CADPS2: variants seen among roughly 807,000 people sequenced by gnomAD.
The protein encoded by CADPS2 is calcium dependent secretion activator 2.
CADPS2 carries 93 observed loss-of-function variants against 172.5 expected under a neutral mutation model. The ratio of observed to expected loss-of-function variants is 0.54; its 90% CI spans 0.46 to 0.64. CADPS2 has a LOEUF of 0.64. Among genes scored for constraint, CADPS2 ranks in the 30% least tolerant of loss-of-function variants. The pLI, the probability that CADPS2 is intolerant of heterozygous loss-of-function variation, is 0.00. For missense variants in CADPS2, 1,420 were observed against 1,565.9 expected (o/e 0.91, Z 1.57); for synonymous variants, 546 against 555.2 (o/e 0.98, Z 0.23).
chr7:122,698,578 T>C, intron 2 of CADPS2: 1 of 1,614,086 alleles, frequency 6.2e-7, no homozygotes, highest in Non-Finnish European at 8.5e-7. Context: ...TTTAATTTTC[T>C]GTGTGAAGGT....
At chr7:122,399,362 G>C (rs1400125867) in intron 20 of CADPS2, among the ~76,000 whole-genome samples, 1 of 152,112 alleles carries the variant, frequency 6.6e-6, no homozygotes, top group African/African-American at 2.4e-5. Context: ...AAGGAGCCTA[G>C]GATTTGTAAA....
chr7:122,720,504 G>GTATATATACATATGTATATACA (rs2090241531), intron 2 of CADPS2, among the ~76,000 whole-genome samples: 1 of 150,158 alleles, frequency 6.7e-6, no homozygotes, highest in Non-Finnish European at 1.5e-5. Context: ...ATGTATATAC[G>GTATATATACATATGTATATACA]TATAAGTATA....
chr7:122,745,670 C>T (rs1163241953), intron 1 of CADPS2, among the ~76,000 whole-genome samples: 1 of 143,950 alleles, frequency 6.9e-6, no homozygotes, highest in Non-Finnish European at 1.5e-5. Context: ...AGAATATCCT[C>T]TTTTTTTTTT....
intron 1 of CADPS2, among the ~76,000 whole-genome samples, chr7:122,837,353 A>G (rs958002270): frequency 3.9e-5 from 6 of 152,216 alleles, no homozygotes; most frequent in African/African-American, 1.4e-4. Flanking sequence ...AAACCCTAAC[A>G]TCACAATTAA....
chr7:122,885,044 C>A (rs1186918908), intron 1 of CADPS2, among the ~76,000 whole-genome samples: 1 of 152,206 alleles, frequency 6.6e-6, no homozygotes, highest in Non-Finnish European at 1.5e-5. Flanking sequence ...GGTCTTGTCA[C>A]AAACTGAGGG....
intron 3 of CADPS2, among the ~76,000 whole-genome samples, chr7:122,662,034 C>G (rs1483931889): frequency 6.6e-6 from 1 of 152,172 alleles, no homozygotes; most frequent in African/African-American, 2.4e-5. Flanking sequence ...TAAAGTGCCT[C>G]AGTGATTTAC....
intron 17 of CADPS2, among the ~76,000 whole-genome samples, chr7:122,425,426 A>C (rs992324810): frequency 1.6e-4 from 8 of 51,174 alleles, no homozygotes; most frequent in Admixed American, 2.4e-4. Flanking sequence ...TATCTCTACC[A>C]AAAAAAAAAA....
chr7:122,865,155 ACT>A (rs143824083), intron 1 of CADPS2, among the ~76,000 whole-genome samples: 2,426 of 151,890 alleles, frequency 0.016, 62 homozygotes, highest in African/African-American at 0.055. Context: ...CCTCTCTCAC[ACT>A]CTCTCGTTTC....
At chr7:122,804,527 TC>T (rs1798366716) in intron 1 of CADPS2, among the ~76,000 whole-genome samples, 1 of 152,226 alleles carries the variant, frequency 6.6e-6, no homozygotes, top group South Asian at 2.1e-4. Context: ...ATAGAAAATT[TC>T]TTAAATGACA....
At chr7:122,584,040 C>T (rs556184838) in intron 6 of CADPS2, among the ~76,000 whole-genome samples, 2 of 151,582 alleles carry the variant, frequency 1.3e-5, no homozygotes, top group East Asian at 3.9e-4. Context: ...AATGAGTAGG[C>T]TAATACTTTA....
intron 15 of CADPS2, among the ~76,000 whole-genome samples, chr7:122,446,379 G>C (rs1197502684): frequency 6.6e-6 from 1 of 152,040 alleles, no homozygotes; most frequent in East Asian, 1.9e-4. Context: ...AAATTACCTG[G>C]AAACAGTTTG....
intron 1 of CADPS2, among the ~76,000 whole-genome samples, chr7:122,867,926 C>T (rs915241851): frequency 3.9e-5 from 6 of 152,100 alleles, no homozygotes; most frequent in Admixed American, 1.3e-4. Context: ...CCTCTTCATA[C>T]CTGAAGGGGA....
At chr7:122,883,724 A>G (rs2141820775) in intron 1 of CADPS2, among the ~76,000 whole-genome samples, 1 of 152,332 alleles carries the variant, frequency 6.6e-6, no homozygotes, top group Admixed American at 6.5e-5. Context: ...AGTAAAGTAA[A>G]TACTTAGGCT....
At position 122,689,769 on chromosome 7, in the gene CADPS2, G is replaced by A. The variant is rs180833973; in HGVS notation, c.454-26200C>T. Among the ~76,000 whole-genome samples the A allele has an allele frequency of 1.5e-3, 227 of 152,296 alleles. 2 individuals are homozygous for A. The highest frequency in any genetic ancestry group is 0.011 in the South Asian group (55 of 4,820). Reference sequence around the variant, plus strand: ...ACCCTTGGTGTAGTGATCGTGTTATGTTTGCACAAACCTCAGCAGGCAACC... The same window carrying A: ...ACCCTTGGTGTAGTGATCGTGTTATATTTGCACAAACCTCAGCAGGCAACC... On this transcript the variant is annotated intron_variant, in intron 2 of 29. Coordinates refer to ENST00000449022, the MANE Select transcript of CADPS2 (RefSeq NM_017954.11).
chr7:122,734,389 A>AAAAAAAAAAAAAAAAAAAAAAAAAAAAAG (rs2091980642), intron 2 of CADPS2, among the ~76,000 whole-genome samples: 7 of 47,798 alleles, frequency 1.5e-4, no homozygotes, highest in Admixed American at 5.8e-4. Context: ...AAAAAAAAGA[A>AAAAAAAAAAAAAAAAAAAAAAAAAAAAAG]AAAAAAAAAA....
chr7:122,852,533 G>C (rs1813956407), intron 1 of CADPS2, among the ~76,000 whole-genome samples: 2 of 152,180 alleles, frequency 1.3e-5, no homozygotes, highest in African/African-American at 4.8e-5. Flanking sequence ...AGGGAGGCCA[G>C]GGAAAGCCTC....
intron 1 of CADPS2, among the ~76,000 whole-genome samples, chr7:122,783,557 A>G (rs1168294448): frequency 6.6e-6 from 1 of 152,146 alleles, no homozygotes; most frequent in Non-Finnish European, 1.5e-5. Context: ...ACACACAGAT[A>G]TTCTGTTTTG....
Position 122,582,987 on chromosome 7 carries a change from G to A in CADPS2, c.1224-1697C>T, listed in dbSNP as rs1313641613. ...CTCCTGCAATACATGATTCTTCAAA[G>A]AGAAAAGTGAACTTTGTCTTTGAAC... On this transcript the variant is annotated intron_variant, in intron 6 of 29. Coordinates refer to ENST00000449022, the MANE Select transcript of CADPS2 (RefSeq NM_017954.11). Among the ~76,000 whole-genome samples, 5 of 151,502 alleles carry A rather than the reference G, an allele frequency of 3.3e-5. No individual in the cohort carries two copies. In the East Asian group the frequency reaches 9.7e-4, roughly 29 times the overall value.
At chr7:122,480,904 G>A in intron 11 of CADPS2, 44 bp from the exon 12 acceptor site, 1 of 1,459,200 alleles carries the variant, frequency 6.9e-7, no homozygotes, top group Non-Finnish European at 9.2e-7. Context: ...TATTTAAATG[G>A]GTTGGGAACT....
Sources: gnomAD v4.1 joint callset for allele counts (sites outside exome capture counted in the v4.1 genomes callset) on GRCh38, gnomAD v4.1.1 for gene constraint, MANE v1.5 for transcripts, NCBI Gene and HGNC (gene_info 2026-07-23, HGNC 2026-07-21) for gene names.